The following POLA1 variants were observed in gnomAD, a reference collection of about 807,000 sequenced individuals.
The protein encoded by POLA1 is DNA polymerase alpha 1, catalytic subunit.
A neutral mutation model predicts 124.0 loss-of-function variants in POLA1; 15 were observed. The observed-to-expected ratio is 0.12, with a 90% confidence interval of 0.08 to 0.19. The LOEUF is 0.19. Among genes scored for constraint, POLA1 ranks in the 10% least tolerant of loss-of-function variants. POLA1 has a pLI of 1.00. For missense variants in POLA1, 886 were observed against 1,103.4 expected, an observed-to-expected ratio of 0.80 and a Z score of 2.79; for synonymous variants, 408 against 389.4, an observed-to-expected ratio of 1.05 and a Z score of -0.56.
At chrX:24,709,174 C>T (rs1349288061) in intron 4 of POLA1, among the ~76,000 whole-genome samples, 4 of 82,645 alleles carry the variant, frequency 4.8e-5, no homozygotes, top group Non-Finnish European at 7.2e-5. Context: ...CCGGACGGGG[C>T]GGCTGGCCGG....
chrX:24,765,706 A>G (rs1285515602), intron 26 of POLA1, among the ~76,000 whole-genome samples: 1 of 111,967 alleles, frequency 8.9e-6, no homozygotes, highest in Non-Finnish European at 1.9e-5. Context: ...CACTAATTTT[A>G]TAGGGTGAAA....
In POLA1 at chrX:24,724,420, C is replaced by T; in HGVS notation, c.1286C>T (p.Thr429Ile). The T allele has an allele frequency of 9.5e-7, 1 of 1,047,446 alleles. No individual in the cohort carries two copies. Among genetic ancestry groups the T allele is most frequent in the African/African-American group, 1.8e-5 (1 of 54,323 alleles). 86.3% of individuals were successfully genotyped at this position (1,047,446 alleles called of 1,213,427 possible). ...VYEEFDEKIA[T>I]KYKIMKFKSK... ...GAGGAATTTGATGAGAAAATAGCAA[C>T]AAAATATAAAATTATGAAGTTCAAG... Residue 429 changes from threonine to isoleucine, a missense_variant, in exon 12 of 37, where the codon ACA (threonine) becomes ATA (isoleucine). By Grantham distance (89) the Thr-to-Ile change is moderately conservative. Coordinates refer to ENST00000379068, the MANE Select transcript of POLA1 (RefSeq NM_001330360.2).
chrX:24,745,082 T>C (rs1237732455), intron 23 of POLA1, among the ~76,000 whole-genome samples: 1 of 108,222 alleles, frequency 9.2e-6, no homozygotes, highest in Non-Finnish European at 1.9e-5. Context: ...TTTTTTTTAA[T>C]GGATGTGACA....
At chrX:24,820,517 T>C (rs187914414) in intron 30 of POLA1, among the ~76,000 whole-genome samples, 6 of 111,650 alleles carry the variant, frequency 5.4e-5, no homozygotes, top group African/African-American at 1.6e-4. Flanking sequence ...CCTTTTGCCT[T>C]TTTGTTTGTT....
chrX:24,756,527 C>T (rs1239702563), intron 26 of POLA1, among the ~76,000 whole-genome samples: 1 of 108,112 alleles, frequency 9.2e-6, no homozygotes, highest in Non-Finnish European at 1.9e-5. Flanking sequence ...CGCATCACTG[C>T]ACACCAGTCT....
intron 34 of POLA1, among the ~76,000 whole-genome samples, chrX:24,859,408 C>G (rs2046688363): frequency 9.0e-6 from 1 of 111,541 alleles, no homozygotes; most frequent in Admixed American, 9.6e-5. Context: ...GCTTGACTAT[C>G]TCCACACTTT....
In POLA1 at chrX:24,788,411, G is replaced by A. The variant is rs764589112; in HGVS notation, c.2965-21487G>A. ...TGGATTTTAGATCTTGTTGAAAGCAGCCACATCCATGGACTGCACGTAGTC... is the reference window on the plus strand; with the variant it reads ...TGGATTTTAGATCTTGTTGAAAGCAACCACATCCATGGACTGCACGTAGTC... On this transcript the variant is annotated intron_variant, in intron 26 of 36. Coordinates refer to ENST00000379068, the MANE Select transcript of POLA1 (RefSeq NM_001330360.2). 1.5e-5 allele frequency: 18 copies of A among 1,194,660 alleles called. No homozygotes were observed. The East Asian group carries it at 5.3e-4, about 35-fold the overall frequency.
chrX:24,782,191 C>G (rs971180445), intron 26 of POLA1, among the ~76,000 whole-genome samples: 1 of 111,879 alleles, frequency 8.9e-6, no homozygotes, highest in Non-Finnish European at 1.9e-5. Flanking sequence ...TGCATTTTCT[C>G]TTTATAGACA....
intron 35 of POLA1, among the ~76,000 whole-genome samples, chrX:24,912,540 A>T (rs942640991): frequency 1.8e-5 from 2 of 112,156 alleles, no homozygotes; most frequent in Non-Finnish European, 3.8e-5. Flanking sequence ...CAATTTAAAA[A>T]AAAACAAAAG....
intron 36 of POLA1, among the ~76,000 whole-genome samples, chrX:24,933,122 G>A (rs575687499): frequency 3.6e-5 from 4 of 111,627 alleles, no homozygotes; most frequent in African/African-American, 6.5e-5. Context: ...TAATTCTGCC[G>A]TGCAGCCAAG....
At chrX:24,862,657 G>C (rs1352637906) in intron 34 of POLA1, among the ~76,000 whole-genome samples, 1 of 111,898 alleles carries the variant, frequency 8.9e-6, no homozygotes, top group Admixed American at 9.5e-5. Flanking sequence ...CACTTCTTTT[G>C]AGAGCTTTGG....
chrX:24,919,796 G>GTTTTTTTTTTTTGT (rs113905438), intron 35 of POLA1, among the ~76,000 whole-genome samples: 1 of 39,482 alleles, frequency 2.5e-5, no homozygotes, highest in African/African-American at 1.6e-4. Context: ...TCCCTCCCCA[G>GTTTTTTTTTTTTGT]TTTTTTTTTT....
chrX:24,821,430 A>G (rs1357751145), intron 30 of POLA1, 22 bp from the exon 31 acceptor site: 1 of 1,187,235 alleles, frequency 8.4e-7, no homozygotes, highest in Non-Finnish European at 1.1e-6. Context: ...AAGGCTTAGA[A>G]CTTTTTTGTT....
chrX:24,866,464 A>G (rs1400629607), intron 34 of POLA1, among the ~76,000 whole-genome samples: 1 of 111,995 alleles, frequency 8.9e-6, no homozygotes. Flanking sequence ...TTCTCACCTC[A>G]GTTCAACAAT....
intron 35 of POLA1, among the ~76,000 whole-genome samples, chrX:24,901,684 G>A (rs1601850779): frequency 9.0e-6 from 1 of 111,216 alleles, no homozygotes; most frequent in South Asian, 3.9e-4. Context: ...TGTGAGAAGT[G>A]GTTAGATTCT....
At chrX:24,797,266 T>C (rs1353292727) in intron 26 of POLA1, among the ~76,000 whole-genome samples, 1 of 111,531 alleles carries the variant, frequency 9.0e-6, no homozygotes, top group East Asian at 2.8e-4. Context: ...CCATACATTT[T>C]ATTTTCTTTG....
At chrX:24,943,346 G>A (rs180842047) in intron 36 of POLA1, among the ~76,000 whole-genome samples, 2,163 of 112,027 alleles carry the variant, frequency 0.019, 23 homozygotes, top group Middle Eastern at 0.051. Flanking sequence ...GCATTATGAC[G>A]AAAAAAATGT....
chrX:24,832,513 G>A (rs2046277829), intron 32 of POLA1, among the ~76,000 whole-genome samples: 1 of 112,226 alleles, frequency 8.9e-6, no homozygotes, highest in African/African-American at 3.2e-5. Context: ...TTTTGTATGA[G>A]TTATGTAACA....
At chrX:24,904,629 A>G (rs2047334144) in intron 35 of POLA1, among the ~76,000 whole-genome samples, 1 of 111,186 alleles carries the variant, frequency 9.0e-6, no homozygotes, top group Non-Finnish European at 1.9e-5. Context: ...ATAACTAAAG[A>G]CACAGCTTTC....
Sources: gnomAD v4.1 joint callset for allele counts (sites outside exome capture counted in the v4.1 genomes callset) on GRCh38, gnomAD v4.1.1 for gene constraint, MANE v1.5 for transcripts, NCBI Gene and HGNC (gene_info 2026-07-23, HGNC 2026-07-21) for gene names.